The following ADD3 variants were observed in gnomAD, a reference collection of about 807,000 sequenced individuals.
ADD3 encodes adducin 3, also known as gamma-adducin.
ADD3 carries 25 observed loss-of-function variants against 80.2 expected under a neutral mutation model. The observed-to-expected ratio is 0.31, with a 90% CI of 0.23 to 0.44. The LOEUF (loss-of-function observed/expected upper bound fraction) is 0.44. Ranked by LOEUF, ADD3 falls within the 20% of genes least tolerant of loss-of-function variation. The probability of loss-of-function intolerance (pLI) is 1.00; values close to 1 mark genes in which losing one functional copy is unlikely to be tolerated. For synonymous variants in ADD3, 284 were observed against 289.6 expected, an observed-to-expected ratio of 0.98 and a Z score of 0.20; for missense variants, 829 against 847.5, an observed-to-expected ratio of 0.98 and a Z score of 0.27.
At chr10:110,066,122 A>G (rs1177987238) in intron 1 of ADD3, among the ~76,000 whole-genome samples, 1 of 152,076 alleles carries the variant, frequency 6.6e-6, no homozygotes. Flanking sequence ...GGTTTTCTGG[A>G]CCATGCTGGT....
intron 1 of ADD3, among the ~76,000 whole-genome samples, chr10:110,078,539 A>G (rs1485663028): frequency 6.6e-6 from 1 of 152,218 alleles, no homozygotes; most frequent in African/African-American, 2.4e-5. Flanking sequence ...AGCATTTTCA[A>G]GTTGAAATTA....
rs1024035865 is a variant in ADD3, at chr10:110,021,337, C to T, written c.-30+13038C>T. Among the ~76,000 whole-genome samples the T allele has an allele frequency of 1.7e-4, 26 of 152,188 alleles. 1 individual carries two copies. The highest frequency in any genetic ancestry group is 5.5e-4 in the African/African-American group (23 of 41,532). On this transcript the variant is annotated intron_variant, in intron 1 of 14. Transcript: ENST00000356080. ...GAGTTAACGTGGTTAAAAATGGTAA[C>T]GGTTTACGATCCAGCACTTCTCATA...
intron 3 of ADD3, among the ~76,000 whole-genome samples, chr10:110,113,162 C>G (rs958876373): frequency 1.3e-5 from 2 of 152,144 alleles, no homozygotes; most frequent in African/African-American, 4.8e-5. Flanking sequence ...TCAGTAGTCC[C>G]AGCCACATGG....
At chr10:110,112,945 T>A (rs754816683) in intron 3 of ADD3, 30 bp downstream of exon 3, 1 of 1,602,238 alleles carries the variant, frequency 6.2e-7, no homozygotes, top group Non-Finnish European at 8.5e-7. Context: ...TTTTAAACAT[T>A]ATAATTTTAC....
At position 110,027,912 on chromosome 10, in the gene ADD3, A is replaced by T. The variant is rs575799990; in HGVS notation, c.-30+19613A>T. On this transcript the variant is annotated intron_variant, in intron 1 of 14. Transcript: ENST00000356080. ...AATGAAAACTTCAGAGGGCAGGTTCAGTTGGTTATGCTTAAGTGAGAGGAG... is the reference window on the plus strand; with the variant it reads ...AATGAAAACTTCAGAGGGCAGGTTCTGTTGGTTATGCTTAAGTGAGAGGAG... Among the ~76,000 whole-genome samples, 3 of 152,332 alleles carry T rather than the reference A, an allele frequency of 2.0e-5. No homozygotes were observed. The East Asian group carries it at 5.8e-4, about 29-fold the overall frequency.
chr10:109,998,848 C>T (rs550009382), intron 1 of ADD3, among the ~76,000 whole-genome samples: 20 of 152,010 alleles, frequency 1.3e-4, no homozygotes, highest in Non-Finnish European at 2.9e-4. Flanking sequence ...CCCTCCCCCA[C>T]CCTAGTCATT....
At chr10:110,004,553 C>T (rs1161460601), upstream of ADD3, among the ~76,000 whole-genome samples, 1 of 151,766 alleles carries the variant, frequency 6.6e-6, no homozygotes, top group Non-Finnish European at 1.5e-5. Context: ...TCGTGACCTG[C>T]CTGCCTCAGC....
chr10:110,117,521 G>A, intron 5 of ADD3, 99 bp downstream of exon 5: 1 of 702,186 alleles, frequency 1.4e-6, no homozygotes, highest in Non-Finnish European at 2.5e-6. Flanking sequence ...AGGTATGGAT[G>A]GAAAAACATT....
intron 1 of ADD3, among the ~76,000 whole-genome samples, chr10:110,076,693 A>G (rs974894113): frequency 4.6e-5 from 7 of 152,312 alleles, no homozygotes; most frequent in Non-Finnish European, 1.0e-4. Flanking sequence ...TAAACTTAGA[A>G]GTTGGCATGG....
chr10:110,124,264 C>T lies in ADD3; in HGVS notation c.1391C>T (p.Thr464Ile). Residue 464 changes from threonine (T) to isoleucine (I), a missense_variant, in exon 10 of 15, where the codon ACC becomes ATC. Thr to Ile is a moderately conservative substitution (Grantham distance 89, BLOSUM62 -1). Coordinates refer to ENST00000356080, the MANE Select transcript of ADD3 (RefSeq NM_016824.5). ...CGGAACGGAGAAACCAGTCCCCGAA[C>T]CAAAATCACGGTATGCCAGTATTTT... ...ESRNGETSPR[T>I]KITWMKAEDS... The T allele has an allele frequency of 6.2e-7, 1 of 1,613,854 alleles. No homozygotes were observed. Among genetic ancestry groups the T allele is most frequent in the Non-Finnish European group, 8.5e-7 (1 of 1,179,718 alleles).
upstream of ADD3, among the ~76,000 whole-genome samples, chr10:110,003,564 T>C (rs533861073): frequency 4.6e-5 from 7 of 152,344 alleles, no homozygotes; most frequent in East Asian, 1.3e-3. Flanking sequence ...GCACGTATTA[T>C]AATCCACCGC....
intron 1 of ADD3, among the ~76,000 whole-genome samples, chr10:109,997,747 A>T (rs1486461542): frequency 1.3e-5 from 2 of 152,224 alleles, no homozygotes; most frequent in Non-Finnish European, 2.9e-5. Flanking sequence ...TTCTAAGGCA[A>T]ATATTTGAAA....
intron 1 of ADD3, among the ~76,000 whole-genome samples, chr10:110,019,357 CTT>C (rs11392689): frequency 5.1e-5 from 7 of 138,200 alleles, no homozygotes; most frequent in Non-Finnish European, 4.7e-5. Flanking sequence ...TTTCTGTTTG[CTT>C]TTTTTTTTTT....
rs183954891 is a variant in ADD3 at position 110,055,655 on chromosome 10, T to C, written c.-29-44970T>C. 5.7e-3 allele frequency among the ~76,000 whole-genome samples: 861 copies of C among 152,352 alleles called. 4 individuals are homozygous for C. The highest frequency in any genetic ancestry group is 9.6e-3 in the Non-Finnish European group (650 of 68,042). On this transcript the variant is annotated intron_variant, in intron 1 of 14. Coordinates refer to ENST00000356080, the MANE Select transcript of ADD3 (RefSeq NM_016824.5). ...ACAAAGAGGCAGGCATCAGAGTCTT[T>C]GATTCCTGTCCTAACTCAGCAACTT...
At chr10:110,061,113 G>A (rs931002264) in intron 1 of ADD3, among the ~76,000 whole-genome samples, 7 of 152,250 alleles carry the variant, frequency 4.6e-5, no homozygotes, top group Middle Eastern at 3.4e-3. Context: ...AAAACCCACC[G>A]CTATATAATA....
intron 1 of ADD3, among the ~76,000 whole-genome samples, chr10:110,049,623 C>T (rs1041314073): frequency 2.0e-5 from 3 of 152,212 alleles, no homozygotes; most frequent in African/African-American, 7.2e-5. Context: ...CGCGGTGGCT[C>T]ATGCCTGTAA....
chr10:110,050,679 A>G (rs1857421953), intron 1 of ADD3, among the ~76,000 whole-genome samples: 1 of 151,500 alleles, frequency 6.6e-6, no homozygotes, highest in African/African-American at 2.4e-5. Context: ...CACCAAGCTA[A>G]TTTTCGTTTT....
upstream of ADD3, among the ~76,000 whole-genome samples, chr10:110,003,177 G>C (rs3862007): frequency 0.66 from 100,477 of 152,028 alleles, 37,760 homozygotes; most frequent in Non-Finnish European, 0.83. Context: ...GTAAATTTTG[G>C]GGGGGTGGGA....
chr10:110,011,112 A>C lies in ADD3; in HGVS notation c.-30+2813A>C, dbSNP rs1210578661. ...TTTTTTTTTTTTTGAAGCTTACCAGATATGTAGGGCCCCAGGTGGCCCAGA... is the reference window on the plus strand; with the variant it reads ...TTTTTTTTTTTTTGAAGCTTACCAGCTATGTAGGGCCCCAGGTGGCCCAGA... On this transcript the variant is annotated intron_variant, in intron 1 of 14. Coordinates refer to ENST00000356080, the MANE Select transcript of ADD3 (RefSeq NM_016824.5). Among the ~76,000 whole-genome samples, 5 of 149,502 alleles carry C rather than the reference A, an allele frequency of 3.3e-5. No individual in the cohort carries two copies. The East Asian group carries it at 9.7e-4, about 29-fold the overall frequency.
Sources: allele counts gnomAD v4.1 joint callset (sites outside exome capture counted in the v4.1 genomes callset), GRCh38; gene constraint gnomAD v4.1.1; transcripts MANE v1.5; gene names NCBI Gene and HGNC (gene_info 2026-07-23, HGNC 2026-07-21).